DPP6: variants seen among roughly 807,000 people sequenced by gnomAD.
The protein encoded by DPP6 is dipeptidyl peptidase like 6.
A neutral mutation model predicts 122.6 loss-of-function variants in DPP6; 69 were observed. That is an observed-to-expected ratio of 0.56 (90% CI 0.46 to 0.69). The LOEUF is 0.69. Among genes scored for constraint, DPP6 ranks in the 30% least tolerant of loss-of-function variants. The pLI, the probability that DPP6 is intolerant of heterozygous loss-of-function variation, is 0.00. For synonymous variants in DPP6, 418 were observed against 433.1 expected, an observed-to-expected ratio of 0.97 and a Z score of 0.43; for missense variants, 928 against 1,116.9, an observed-to-expected ratio of 0.83 and a Z score of 2.41.
intron 1 of DPP6, among the ~76,000 whole-genome samples, chr7:154,294,663 A>C (rs888863464): frequency 1.3e-5 from 2 of 152,244 alleles, no homozygotes; most frequent in African/African-American, 4.8e-5. Context: ...AGCGAGGTCT[A>C]GCCCAGAAGG....
intron 1 of DPP6, among the ~76,000 whole-genome samples, chr7:153,918,462 A>ACTCTCT (rs1200617313): frequency 1.2e-5 from 1 of 80,218 alleles, no homozygotes; most frequent in Non-Finnish European, 2.6e-5. Context: ...ACACACACAC[A>ACTCTCT]CACACTCTCT....
At chr7:153,837,157 C>G in the DPP6 span, among the ~76,000 whole-genome samples, 1 of 152,148 alleles carries the variant, frequency 6.6e-6, no homozygotes, top group Non-Finnish European at 1.5e-5. Flanking sequence ...ATAGGATTCT[C>G]CTTCAAGGAA....
intron 13 of DPP6, among the ~76,000 whole-genome samples, chr7:154,802,043 C>G (rs1798400343): frequency 1.3e-5 from 2 of 152,182 alleles, no homozygotes; most frequent in South Asian, 4.2e-4. Flanking sequence ...GGGTCACCAT[C>G]TCCTGAAGAG....
intron 5 of DPP6, among the ~76,000 whole-genome samples, chr7:154,596,134 A>T (rs1399183419): frequency 6.6e-6 from 1 of 152,252 alleles, no homozygotes. Context: ...TTCTTTGTAC[A>T]TAAAACCCTC....
At position 154,755,625 on chromosome 7, in the gene DPP6, C is replaced by G. The variant is rs1843626478; in HGVS notation, c.884-13792C>G. Among the ~76,000 whole-genome samples, 1 of 152,138 alleles carries G rather than the reference C, an allele frequency of 6.6e-6. No homozygotes were observed. The highest frequency in any genetic ancestry group is 2.4e-5 in the African/African-American group (1 of 41,438). On this transcript the variant is annotated intron_variant, in intron 8 of 25. Coordinates refer to ENST00000377770, the MANE Select transcript of DPP6 (RefSeq NM_130797.4). This position sits in a 1 kb window ranked among gnomAD's most constrained non-coding sequence, Gnocchi z 4.7. ...GGTGCTCACCGACTGCTGGGTGTGGCCATCACCATCACCACCCTTCTAAGA... is the reference window on the plus strand; with the variant it reads ...GGTGCTCACCGACTGCTGGGTGTGGGCATCACCATCACCACCCTTCTAAGA...
intron 5 of DPP6, among the ~76,000 whole-genome samples, chr7:154,600,155 T>G (rs1165960245): frequency 6.6e-6 from 1 of 151,822 alleles, no homozygotes; most frequent in African/African-American, 2.4e-5. Context: ...TGAGATGGAG[T>G]CTCACTCTGT....
rs912908894 is a variant in DPP6, at chr7:154,138,121, T to C, written c.243+85058T>C. The stretch of plus-strand genomic sequence containing the variant: ...ACCTCTTCTTTGCAAACGAGGTGTT[T>C]TTGTGAACAGAAAATATGTGGACTT... On this transcript the variant is annotated intron_variant, in intron 1 of 25. Transcript: ENST00000377770. Among the ~76,000 whole-genome samples, 25 of 152,218 alleles carry C rather than the reference T, an allele frequency of 1.6e-4. 1 individual carries two copies. The highest frequency in any genetic ancestry group is 6.0e-4 in the African/African-American group (25 of 41,464).
chr7:154,893,451 T>TAAAAAAAAAAAAAAAAAAAAAAAAA lies in DPP6; in HGVS notation c.*971_*972insAAAAAAAAAAAAAAAAAAAAAAAAA, dbSNP rs775016101. On this transcript the variant is annotated 3_prime_UTR_variant, in exon 26 of 26. Coordinates refer to ENST00000377770, the MANE Select transcript of DPP6 (RefSeq NM_130797.4). Reference sequence around the variant, plus strand: ...CAAGCTCTTTCCCATGACATTTGGTTTAAAAAAAAAAAAAAAAAAAAAAAA... The same window carrying TAAAAAAAAAAAAAAAAAAAAAAAAA: ...CAAGCTCTTTCCCATGACATTTGGTTAAAAAAAAAAAAAAAAAAAAAAAAATAAAAAAAAAAAAAAAAAAAAAAAA... The TAAAAAAAAAAAAAAAAAAAAAAAAA allele has an allele frequency of 1.3e-4, 8 of 61,334 alleles. 3 individuals carry two copies. Among genetic ancestry groups the TAAAAAAAAAAAAAAAAAAAAAAAAA allele is most frequent in the African/African-American group, 4.0e-4 (8 of 19,890 alleles). The allele number at this position is 61,334 out of a possible 1,614,324, so 3.8% of individuals were successfully genotyped here.
the DPP6 span, among the ~76,000 whole-genome samples, chr7:153,792,301 G>T: frequency 6.6e-6 from 1 of 152,176 alleles, no homozygotes; most frequent in South Asian, 2.1e-4. Flanking sequence ...ATGGGAATTA[G>T]GTTGAATCTA....
In DPP6 at chr7:153,959,506, C is replaced by T. The variant is rs1795239450; in HGVS notation, c.51+71772C>T. 2.6e-5 allele frequency among the ~76,000 whole-genome samples: 4 copies of T among 152,392 alleles called. No individual in the cohort carries two copies. The South Asian group carries it at 8.3e-4, about 32-fold the overall frequency. ...AAATTGTGAACTTTTTCTTGTGCAG[C>T]TTCTCCATCAGCACTTGCTGCTTCA... is the stretch of plus-strand genomic sequence containing the variant. On this transcript the variant is annotated intron_variant, in intron 1 of 25. Transcript: ENST00000404039.
chr7:153,854,127 C>T, the DPP6 span, among the ~76,000 whole-genome samples: 1 of 148,928 alleles, frequency 6.7e-6, no homozygotes, highest in Non-Finnish European at 1.5e-5. Context: ...GCTTGTTTTT[C>T]TCAGGTTTGT....
chr7:154,629,547 C>T (rs1835285374), intron 5 of DPP6, among the ~76,000 whole-genome samples: 1 of 152,152 alleles, frequency 6.6e-6, no homozygotes, highest in Non-Finnish European at 1.5e-5. Flanking sequence ...TGTATGCCAG[C>T]CATGGGGTTC....
At chr7:154,764,665 C>T (rs1276733138) in intron 8 of DPP6, among the ~76,000 whole-genome samples, 1 of 152,220 alleles carries the variant, frequency 6.6e-6, no homozygotes, top group East Asian at 1.9e-4. Flanking sequence ...AAAGAGGCCT[C>T]TCTGTATTCC....
intron 1 of DPP6, among the ~76,000 whole-genome samples, chr7:153,941,748 G>GT (rs1801707194): frequency 6.6e-6 from 1 of 152,182 alleles, no homozygotes; most frequent in South Asian, 2.1e-4. Flanking sequence ...ACACAGCAAG[G>GT]TAAGAAATGC....
chr7:154,623,382 T>C (rs1834821891), intron 5 of DPP6, among the ~76,000 whole-genome samples: 1 of 152,210 alleles, frequency 6.6e-6, no homozygotes, highest in South Asian at 2.1e-4. Context: ...AATTCTGGCC[T>C]GTGTGGTGGC....
chr7:153,999,722 AC>A (rs1196351750), intron 1 of DPP6, among the ~76,000 whole-genome samples: 7 of 152,308 alleles, frequency 4.6e-5, no homozygotes, highest in African/African-American at 1.7e-4. Flanking sequence ...ATTTTGGGAG[AC>A]CAAGGCAAGT....
At chr7:153,912,390 A>T (rs139198321) in intron 1 of DPP6, among the ~76,000 whole-genome samples, 188 of 152,306 alleles carry the variant, frequency 1.2e-3, no homozygotes, top group African/African-American at 4.3e-3. Flanking sequence ...CATGAAAGAG[A>T]TGCAGCTGGA....
At chr7:154,236,559 G>A (rs1354355895) in intron 1 of DPP6, among the ~76,000 whole-genome samples, 1 of 152,096 alleles carries the variant, frequency 6.6e-6, no homozygotes, top group African/African-American at 2.4e-5. Context: ...CAGTGTAATT[G>A]TACTTCTAGG....
chr7:154,671,289 C>T (rs1168332827), intron 7 of DPP6, among the ~76,000 whole-genome samples: 1 of 152,188 alleles, frequency 6.6e-6, no homozygotes, highest in East Asian at 1.9e-4. Flanking sequence ...GCTGCGGATC[C>T]ATTACAAGCC....
Sources: gnomAD v4.1 joint callset for allele counts (sites outside exome capture counted in the v4.1 genomes callset) on GRCh38, gnomAD v4.1.1 for gene constraint, Gnocchi (gnomAD v3.1) non-coding constraint, MANE v1.5 for transcripts, NCBI Gene and HGNC (gene_info 2026-07-23, HGNC 2026-07-21) for gene names.